The following PITPNM3 variants were observed in gnomAD, a reference collection of about 807,000 sequenced individuals.
The protein encoded by PITPNM3 is PITPNM family member 3.
PITPNM3 carries 26 observed loss-of-function variants against 102.0 expected under a neutral mutation model. That is an observed-to-expected ratio of 0.25 (90% CI 0.19 to 0.35). The LOEUF (loss-of-function observed/expected upper bound fraction) is 0.35. PITPNM3 is among the 10% of genes least tolerant of loss of function. PITPNM3 has a pLI of 1.00. For synonymous variants in PITPNM3, 578 were observed against 558.6 expected (o/e 1.03, Z -0.49); for missense variants, 1,083 against 1,346.1 (o/e 0.80, Z 3.06).
chr17:6,514,202 G>T (rs1908021518), intron 3 of PITPNM3, among the ~76,000 whole-genome samples: 1 of 151,868 alleles, frequency 6.6e-6, no homozygotes, highest in African/African-American at 2.4e-5. Flanking sequence ...CCTTGGATTG[G>T]GCAATGGTTT....
chr17:6,485,271 G>C (rs138977052), intron 4 of PITPNM3, among the ~76,000 whole-genome samples: 2,283 of 150,712 alleles, frequency 0.015, 64 homozygotes, highest in African/African-American at 0.053. Flanking sequence ...TGATTCTCCT[G>C]CCTCAGCCTC....
intron 12 of PITPNM3, 83 bp downstream of exon 12, chr17:6,471,078 G>C: frequency 6.6e-7 from 1 of 1,509,770 alleles, no homozygotes; most frequent in Non-Finnish European, 9.1e-7. Flanking sequence ...GCCCTCAGCA[G>C]CTCTAGCAGT....
At chr17:6,494,300 C>T (rs1235481434) in intron 4 of PITPNM3, among the ~76,000 whole-genome samples, 2 of 152,194 alleles carry the variant, frequency 1.3e-5, no homozygotes, top group African/African-American at 2.4e-5. Context: ...AATCCCTTCA[C>T]GCCACAGCCC....
intron 4 of PITPNM3, among the ~76,000 whole-genome samples, chr17:6,501,150 T>A (rs569064983): frequency 7.2e-5 from 11 of 152,336 alleles, no homozygotes; most frequent in African/African-American, 2.4e-4. Flanking sequence ...ACAAGCCCCA[T>A]GTCGGGTGGC....
At chr17:6,536,578 A>G (rs998018192) in intron 2 of PITPNM3, among the ~76,000 whole-genome samples, 1 of 152,120 alleles carries the variant, frequency 6.6e-6, no homozygotes, top group African/African-American at 2.4e-5. Flanking sequence ...CCTCCCAGCC[A>G]CATGTCCTAA....
chr17:6,515,134 G>A (rs1908082260), intron 3 of PITPNM3, among the ~76,000 whole-genome samples: 1 of 152,140 alleles, frequency 6.6e-6, no homozygotes, highest in Non-Finnish European at 1.5e-5. Flanking sequence ...GGTGGCTCAT[G>A]CCTGTAATCC....
intron 14 of PITPNM3, 132 bp from the exon 15 acceptor site, chr17:6,464,903 A>G: frequency 1.2e-6 from 1 of 862,644 alleles, no homozygotes. Context: ...AACTTCTGCT[A>G]GAGTTTCAGA....
At position 6,459,521 on chromosome 17, in the gene PITPNM3, C is replaced by A. The variant is rs1904351951; in HGVS notation, c.2491-1799G>T. On this transcript the variant is annotated intron_variant, in intron 18 of 19. Transcript: ENST00000262483. The surrounding 1 kb of genome is among the most constrained non-coding windows in gnomAD (Gnocchi z 5.0). ...CCCAGTCTCCACCTGCAGCCCAGAA[C>A]TACCCTAAGCCATATCAGGTCCCGT... is the stretch of plus-strand genomic sequence containing the variant. Among the ~76,000 whole-genome samples, 3 of 152,154 alleles carry A rather than the reference C, an allele frequency of 2.0e-5. No homozygotes were observed. The highest frequency in any genetic ancestry group is 4.4e-5 in the Non-Finnish European group (3 of 68,024).
rs769346914 is a variant in PITPNM3 at position 6,478,000 on chromosome 17, C to T, written c.875G>A (p.Arg292Gln). ...PSGDSPASSS[R>Q]KGSISSTQDT... Reference sequence around the variant, plus strand: ...CTGGGTGCTGCTGATGCTCCCCTTCCGGCTGCTGCTGGCAGGGCTGTCCCC... The same window carrying T: ...CTGGGTGCTGCTGATGCTCCCCTTCTGGCTGCTGCTGGCAGGGCTGTCCCC... The change falls in exon 8 of 20, where the codon CGG (arginine) becomes CAG (glutamine). Residue 292 changes from arginine (R) to glutamine (Q), a missense_variant. Physicochemically the swap from Arg to Gln is conservative, Grantham distance 43 (BLOSUM62 1). Transcript: ENST00000262483. 14 of 1,613,408 alleles carry T rather than the reference C, an allele frequency of 8.7e-6. No homozygotes were observed. The highest frequency in any genetic ancestry group is 3.3e-5 in the Admixed American group (2 of 60,032).
intron 4 of PITPNM3, among the ~76,000 whole-genome samples, chr17:6,486,463 A>T (rs1056652571): frequency 7.9e-5 from 12 of 152,198 alleles, no homozygotes; most frequent in African/African-American, 2.9e-4. Flanking sequence ...CTCTACAAAG[A>T]ACTGCAAATG....
intron 1 of PITPNM3, among the ~76,000 whole-genome samples, chr17:6,553,646 A>G (rs1910438215): frequency 6.6e-6 from 1 of 152,152 alleles, no homozygotes; most frequent in South Asian, 2.1e-4. Context: ...TTTTAAAGGG[A>G]ACATCTCACA....
intron 9 of PITPNM3, among the ~76,000 whole-genome samples, chr17:6,474,914 C>T (rs994936160): frequency 6.6e-6 from 1 of 152,210 alleles, no homozygotes; most frequent in East Asian, 1.9e-4. Flanking sequence ...AGCATAAAAG[C>T]GCCCATGGAC....
rs934476064 is a variant in PITPNM3 at position 6,452,048 on chromosome 17, TAC to T, written c.*3288_*3289del. 2 of 152,030 alleles carry T rather than the reference TAC, an allele frequency of 1.3e-5. No homozygotes were observed. The highest frequency in any genetic ancestry group is 6.5e-5 in the Admixed American group (1 of 15,268). The allele number at this position is 152,030 out of a possible 1,614,324, so 9.4% of individuals were successfully genotyped here. ...GGTATGGGTCCCAAAGGGGTAAAAA[TAC>T]AGTTTAAAAACCGTGAGATCCAGCC... On this transcript the variant is annotated 3_prime_UTR_variant, in exon 20 of 20. Transcript: ENST00000262483.
Position 6,478,164 on chromosome 17 carries a change from G to A in PITPNM3, c.778-67C>T, listed in dbSNP as rs1254823195. 14 of 1,603,712 alleles carry A rather than the reference G, an allele frequency of 8.7e-6. No homozygotes were observed. Among genetic ancestry groups the A allele is most frequent in the Non-Finnish European group, 1.1e-5 (13 of 1,178,268 alleles). The stretch of plus-strand genomic sequence containing the variant: ...GACCCCTCACCCCCACACCCGGCCA[G>A]AGCAGTGCTGCCTCCCCACAGGAGA... On this transcript the variant is annotated intron_variant, in intron 7 of 19. Coordinates refer to ENST00000262483, the MANE Select transcript of PITPNM3 (RefSeq NM_031220.4). The surrounding 1 kb of genome is among the most constrained non-coding windows in gnomAD (Gnocchi z 4.4).
At chr17:6,485,233 A>G (rs2150584399) in intron 4 of PITPNM3, among the ~76,000 whole-genome samples, 1 of 147,110 alleles carries the variant, frequency 6.8e-6, no homozygotes, top group South Asian at 2.1e-4. Flanking sequence ...ATCTCGGCTC[A>G]CTGCAACCTC....
At chr17:6,543,746 C>T (rs886741604) in intron 1 of PITPNM3, among the ~76,000 whole-genome samples, 3 of 152,182 alleles carry the variant, frequency 2.0e-5, no homozygotes, top group Non-Finnish European at 4.4e-5. Context: ...ATTCCACACC[C>T]ACCATGTCTG....
At position 6,458,653 on chromosome 17, in the gene PITPNM3, C is replaced by T. The variant is rs1485724701; in HGVS notation, c.2491-931G>A. 6.6e-6 allele frequency among the ~76,000 whole-genome samples: 1 copy of T among 152,196 alleles called. No homozygotes were observed. The highest frequency in any genetic ancestry group is 6.5e-5 in the Admixed American group (1 of 15,288). On this transcript the variant is annotated intron_variant, in intron 18 of 19. Coordinates refer to ENST00000262483, the MANE Select transcript of PITPNM3 (RefSeq NM_031220.4). This position sits in a 1 kb window ranked among gnomAD's most constrained non-coding sequence, Gnocchi z 5.1. ...TTCTCCGCCAGCCCCCACCTGGCTG[C>T]TCTCAGCCTTACTGACACTTGTCTT...
chr17:6,461,849 C>T (rs1904476752), intron 17 of PITPNM3, among the ~76,000 whole-genome samples: 1 of 126,256 alleles, frequency 7.9e-6, no homozygotes, highest in Admixed American at 7.9e-5. Flanking sequence ...CTTCCCTGTT[C>T]CCTGTGCCTC....
chr17:6,551,340 C>T (rs950076887), intron 1 of PITPNM3, among the ~76,000 whole-genome samples: 11 of 149,106 alleles, frequency 7.4e-5, no homozygotes, highest in African/African-American at 2.2e-4. Context: ...CCAGCTTCGG[C>T]GACAGAGCGA....
Sources: allele counts gnomAD v4.1 joint callset (sites outside exome capture counted in the v4.1 genomes callset), GRCh38; gene constraint gnomAD v4.1.1; non-coding constraint Gnocchi (gnomAD v3.1); transcripts MANE v1.5; gene names NCBI Gene and HGNC (gene_info 2026-07-23, HGNC 2026-07-21).